VAV2: variants seen among roughly 807,000 people sequenced by gnomAD.
The protein encoded by VAV2 is guanine nucleotide exchange factor VAV2.
In VAV2, 67 loss-of-function variants were observed where a neutral mutation model predicts 132.5. That is an observed-to-expected ratio of 0.51 (90% CI 0.42 to 0.62). The LOEUF is 0.62. VAV2 is among the 20% of genes least tolerant of loss of function. The probability of loss-of-function intolerance (pLI) is 0.00; values close to 1 mark genes in which losing one functional copy is unlikely to be tolerated. For missense variants in VAV2, 938 were observed against 1,153.6 expected (o/e 0.81, Z 2.71); for synonymous variants, 492 against 443.5 (o/e 1.11, Z -1.37).
chr9:133,845,066 G>A (rs1836876515), intron 3 of VAV2, among the ~76,000 whole-genome samples: 1 of 152,250 alleles, frequency 6.6e-6, no homozygotes, highest in Non-Finnish European at 1.5e-5. Flanking sequence ...TGTTGCAGGA[G>A]GGCAGCACAC....
chr9:133,875,010 G>A (rs1200598929), intron 2 of VAV2, among the ~76,000 whole-genome samples: 1 of 152,196 alleles, frequency 6.6e-6, no homozygotes, highest in Non-Finnish European at 1.5e-5. Flanking sequence ...TAGCCAGTCG[G>A]GGCAGAGCAG....
At chr9:133,982,940 G>A (rs1406316248) in intron 1 of VAV2, among the ~76,000 whole-genome samples, 3 of 152,198 alleles carry the variant, frequency 2.0e-5, no homozygotes, top group Admixed American at 6.5e-5. Flanking sequence ...TTGCGTAGTC[G>A]TGACAGAGAC....
At chr9:133,900,981 G>C (rs1346632601) in intron 2 of VAV2, among the ~76,000 whole-genome samples, 1 of 151,242 alleles carries the variant, frequency 6.6e-6, no homozygotes, top group Non-Finnish European at 1.5e-5. Flanking sequence ...TGTATTTTTA[G>C]TAGAGACGGG....
intron 4 of VAV2, among the ~76,000 whole-genome samples, chr9:133,830,012 T>C (rs759262007): frequency 6.6e-6 from 1 of 152,064 alleles, no homozygotes; most frequent in Non-Finnish European, 1.5e-5. Flanking sequence ...CAGCTGACGA[T>C]GGAATGAACG....
intron 1 of VAV2, among the ~76,000 whole-genome samples, chr9:133,955,657 C>A (rs1841739788): frequency 4.5e-5 from 1 of 22,358 alleles, no homozygotes; most frequent in Non-Finnish European, 9.4e-5. Flanking sequence ...CCCCACTCAC[C>A]CCATGCTGCT....
chr9:133,903,323 G>A (rs959068316), intron 2 of VAV2, among the ~76,000 whole-genome samples: 4 of 152,024 alleles, frequency 2.6e-5, no homozygotes, highest in Admixed American at 6.6e-5. Context: ...ACTGTCCCTC[G>A]GGCCCCTTCC....
intron 24 of VAV2, among the ~76,000 whole-genome samples, chr9:133,775,478 A>G (rs147735417): frequency 2.0e-5 from 3 of 152,314 alleles, no homozygotes; most frequent in Admixed American, 6.5e-5. Context: ...TTTTGGTAAC[A>G]CATTGGAGAT....
intron 21 of VAV2, 105 bp from the exon 22 acceptor site, chr9:133,778,994 C>T: frequency 6.8e-7 from 1 of 1,472,898 alleles, no homozygotes; most frequent in Non-Finnish European, 9.2e-7. Context: ...CCTCCCCCAG[C>T]ACACACAGCC....
intron 25 of VAV2, 50 bp from the exon 26 acceptor site, chr9:133,772,096 C>T: frequency 6.6e-7 from 1 of 1,520,316 alleles, no homozygotes; most frequent in Non-Finnish European, 9.1e-7. Flanking sequence ...CCACACGGCC[C>T]CGGCCCCCTT....
At chr9:133,770,354 G>T (rs1208643995) in intron 27 of VAV2, 24 bp downstream of exon 27, 2 of 1,613,308 alleles carry the variant, frequency 1.2e-6, no homozygotes, top group Admixed American at 1.7e-5. Context: ...GAGTGCTGGT[G>T]TGCCGGCTGG....
intron 12 of VAV2, among the ~76,000 whole-genome samples, chr9:133,793,661 C>A (rs1834590854): frequency 6.6e-6 from 1 of 152,146 alleles, no homozygotes; most frequent in Non-Finnish European, 1.5e-5. Flanking sequence ...ATGGAAGTTG[C>A]CCGAATGAAT....
At chr9:133,841,326 CG>C (rs1212156348) in intron 3 of VAV2, among the ~76,000 whole-genome samples, 1 of 151,956 alleles carries the variant, frequency 6.6e-6, no homozygotes, top group Non-Finnish European at 1.5e-5. Context: ...AAAACCATCT[CG>C]GATGCAGCAC....
At chr9:133,910,827 AAAAAAAAAAAG>A (rs1360717034) in intron 2 of VAV2, among the ~76,000 whole-genome samples, 2 of 144,696 alleles carry the variant, frequency 1.4e-5, no homozygotes, top group East Asian at 1.9e-4. Flanking sequence ...CGGTCTCAAA[AAAAAAAAAAAG>A]AAAAAGAAAA....
intron 29 of VAV2, among the ~76,000 whole-genome samples, chr9:133,767,263 T>C (rs1006587496): frequency 3.9e-5 from 6 of 152,078 alleles, no homozygotes; most frequent in African/African-American, 1.4e-4. Context: ...AAAGTTTAAG[T>C]AGTATGAGAG....
rs1009282510 is a variant in VAV2, at chr9:133,857,030, A to T, written c.380+4344T>A. On this transcript the variant is annotated intron_variant, in intron 3 of 29. Coordinates refer to ENST00000371850, the MANE Select transcript of VAV2 (RefSeq NM_001134398.2). This position sits in a 1 kb window ranked among gnomAD's most constrained non-coding sequence, Gnocchi z 4.0. ...GTCATGCTCCCAGCCTACAGAAGAG[A>T]CAAAGGTTCCAAGAGCATCCCTGCC... Among the ~76,000 whole-genome samples, 3 of 152,160 alleles carry T rather than the reference A, an allele frequency of 2.0e-5. No individual in the cohort carries two copies. The highest frequency in any genetic ancestry group is 4.4e-5 in the Non-Finnish European group (3 of 68,028).
At chr9:133,808,060 C>A (rs1301465673) in intron 7 of VAV2, among the ~76,000 whole-genome samples, 1 of 152,212 alleles carries the variant, frequency 6.6e-6, no homozygotes, top group Non-Finnish European at 1.5e-5. Flanking sequence ...CGGCCCCAGG[C>A]TGGGTGGAGA....
chr9:133,904,354 A>G (rs1311230178), intron 2 of VAV2, among the ~76,000 whole-genome samples: 3 of 152,340 alleles, frequency 2.0e-5, no homozygotes, highest in Admixed American at 1.3e-4. Flanking sequence ...CAAAACCTCA[A>G]TGCATCTAAT....
intron 2 of VAV2, among the ~76,000 whole-genome samples, chr9:133,899,954 G>A (rs2132007594): frequency 1.3e-5 from 2 of 150,932 alleles, no homozygotes; most frequent in Middle Eastern, 6.8e-3. Context: ...CCGGGAGGCG[G>A]AGCTTGCAGT....
In VAV2 at chr9:133,991,042, T is replaced by C. The variant is rs915645488; in HGVS notation, c.204+1033A>G. On this transcript the variant is annotated intron_variant, in intron 1 of 29. Transcript: ENST00000371850. This position sits in a 1 kb window ranked among gnomAD's most constrained non-coding sequence, Gnocchi z 4.8. ...GGAATCGCTGGTGACTCACTCTCCC[T>C]CCTTCCCAGGAACCACGTCCTAAGT... 2.6e-5 allele frequency among the ~76,000 whole-genome samples: 4 copies of C among 152,154 alleles called. No individual in the cohort carries two copies. Among genetic ancestry groups the C allele is most frequent in the African/African-American group, 7.2e-5 (3 of 41,424 alleles).
Sources: allele counts gnomAD v4.1 joint callset (sites outside exome capture counted in the v4.1 genomes callset), GRCh38; gene constraint gnomAD v4.1.1; non-coding constraint Gnocchi (gnomAD v3.1); transcripts MANE v1.5; gene names NCBI Gene and HGNC (gene_info 2026-07-23, HGNC 2026-07-21).